KLHL7: variants seen among roughly 807,000 people sequenced by gnomAD.
KLHL7 encodes the protein kelch-like protein 7.
A neutral mutation model predicts 67.4 loss-of-function variants in KLHL7; 44 were observed. The observed-to-expected ratio is 0.65, with a 90% CI of 0.51 to 0.84. KLHL7 has a LOEUF of 0.84. Ranked by LOEUF, KLHL7 falls within the 40% of genes least tolerant of loss-of-function variation. The pLI is 0.00. For missense variants in KLHL7, 362 were observed against 718.1 expected, an observed-to-expected ratio of 0.50 and a Z score of 5.67; for synonymous variants, 252 against 243.3, an observed-to-expected ratio of 1.04 and a Z score of -0.33.
chr7:23,165,623 G>T (rs1784980599), intron 7 of KLHL7, 75 bp from the exon 8 acceptor site: 8 of 1,498,196 alleles, frequency 5.3e-6, no homozygotes, highest in Middle Eastern at 1.7e-4. Flanking sequence ...TATGTTTTTT[G>T]ACTGTATCTT....
chr7:23,171,592 A>G (rs1330123472), intron 9 of KLHL7, among the ~76,000 whole-genome samples: 1 of 152,244 alleles, frequency 6.6e-6, no homozygotes, highest in African/African-American at 2.4e-5. Context: ...TTTGAAAATG[A>G]GAGTGGTGAC....
intron 1 of KLHL7, chr7:23,106,601 C>A: frequency 3.8e-6 from 4 of 1,039,520 alleles, no homozygotes; most frequent in South Asian, 3.3e-5. Flanking sequence ...GGATCCCCGC[C>A]CCCTCCTGTG....
intron 6 of KLHL7, among the ~76,000 whole-genome samples, chr7:23,148,406 A>C (rs921749418): frequency 6.9e-5 from 8 of 115,418 alleles, no homozygotes; most frequent in East Asian, 2.2e-4. Context: ...AAAAAAAAAA[A>C]AAAACAGCAG....
chr7:23,115,990 T>A (rs1367391767), intron 1 of KLHL7, among the ~76,000 whole-genome samples: 3 of 152,224 alleles, frequency 2.0e-5, no homozygotes, highest in African/African-American at 7.2e-5. Flanking sequence ...GAACCCTATG[T>A]TCCTGGCAAC....
At chr7:23,129,070 A>G (rs1369011812) in intron 4 of KLHL7, 1 of 152,400 alleles carries the variant, frequency 6.6e-6, no homozygotes, top group Non-Finnish European at 1.5e-5. Flanking sequence ...ACAAAAAAAA[A>G]TAAAAGTGCT....
chr7:23,135,540 C>T (rs575379690), intron 4 of KLHL7, among the ~76,000 whole-genome samples: 1 of 152,118 alleles, frequency 6.6e-6, no homozygotes, highest in Non-Finnish European at 1.5e-5. Context: ...AAGTCTCCAG[C>T]CATATAATGC....
chr7:23,170,185 G>A (rs1785116629), intron 9 of KLHL7, among the ~76,000 whole-genome samples: 1 of 152,214 alleles, frequency 6.6e-6, no homozygotes, highest in Non-Finnish European at 1.5e-5. Flanking sequence ...TTGCACTGCA[G>A]CCAGGGCAAC....
At chr7:23,111,272 T>C (rs1244828292) in intron 1 of KLHL7, among the ~76,000 whole-genome samples, 2 of 152,110 alleles carry the variant, frequency 1.3e-5, no homozygotes, top group African/African-American at 2.4e-5. Flanking sequence ...GAACAACATA[T>C]TCAGAGGCTC....
At chr7:23,154,272 T>C (rs920406188) in intron 7 of KLHL7, among the ~76,000 whole-genome samples, 27 of 152,124 alleles carry the variant, frequency 1.8e-4, no homozygotes, top group Non-Finnish European at 3.7e-4. Context: ...GGAGAATCAC[T>C]TGAACCCAGG....
chr7:23,133,995 C>T (rs1031736437), intron 4 of KLHL7, among the ~76,000 whole-genome samples: 5 of 152,134 alleles, frequency 3.3e-5, no homozygotes, highest in Non-Finnish European at 7.4e-5. Flanking sequence ...TATTGAGTAA[C>T]AGTGGTGAAA....
chr7:23,150,360 G>A (rs542057821), intron 6 of KLHL7, among the ~76,000 whole-genome samples: 2 of 152,096 alleles, frequency 1.3e-5, no homozygotes, highest in African/African-American at 4.8e-5. Context: ...TGTGCATACA[G>A]TCATTTACTT....
At chr7:23,167,249 G>A (rs1055275301) in intron 8 of KLHL7, among the ~76,000 whole-genome samples, 3 of 151,982 alleles carry the variant, frequency 2.0e-5, no homozygotes, top group Non-Finnish European at 4.4e-5. Flanking sequence ...CCTTTAAATT[G>A]TGTAATCAAA....
At chr7:23,146,020 C>T (rs1275375231) in intron 6 of KLHL7, among the ~76,000 whole-genome samples, 1 of 152,226 alleles carries the variant, frequency 6.6e-6, no homozygotes, top group Admixed American at 6.5e-5. Context: ...GCATGAACCA[C>T]AGTGCCTGGC....
chr7:23,160,455 A>G (rs1197353438), intron 7 of KLHL7, among the ~76,000 whole-genome samples: 1 of 152,220 alleles, frequency 6.6e-6, no homozygotes. Context: ...GACAGGAAGA[A>G]CATTTTGTGA....
chr7:23,116,199 C>G (rs898320768), intron 1 of KLHL7, among the ~76,000 whole-genome samples: 2 of 152,216 alleles, frequency 1.3e-5, no homozygotes, highest in Admixed American at 1.3e-4. Flanking sequence ...TTCCTTGTAT[C>G]TATGAATCCT....
intron 1 of KLHL7, chr7:23,106,763 A>G: frequency 1.0e-6 from 1 of 985,498 alleles, no homozygotes; most frequent in Non-Finnish European, 1.2e-6. Flanking sequence ...TGTGTGGTGC[A>G]TTCGTGAAAT....
intron 1 of KLHL7, chr7:23,106,717 T>C (rs1295611703): frequency 2.0e-6 from 2 of 995,420 alleles, no homozygotes; most frequent in Non-Finnish European, 1.2e-6. Context: ...ACTGTGCGCC[T>C]CTGTTATTAA....
At chr7:23,111,897 G>A (rs1284838371) in intron 1 of KLHL7, among the ~76,000 whole-genome samples, 1 of 151,586 alleles carries the variant, frequency 6.6e-6, no homozygotes, top group East Asian at 1.9e-4. Flanking sequence ...AGTGCTTGCT[G>A]GCAGACCAAA....
In KLHL7 at chr7:23,153,987, T is replaced by C. The variant is rs148061639; in HGVS notation, c.936+1778T>C. Among the ~76,000 whole-genome samples the C allele has an allele frequency of 7.2e-5, 11 of 152,342 alleles. No individual in the cohort carries two copies. The East Asian group carries it at 2.1e-3, about 29-fold the overall frequency. On this transcript the variant is annotated intron_variant, in intron 7 of 10. Coordinates refer to ENST00000339077, the MANE Select transcript of KLHL7 (RefSeq NM_001031710.3). ...TATTTTCAGCTTTGCATGCCATTCA[T>C]TCTCTGACCCAGTTGCAGGAAAGCA...
Sources: allele counts gnomAD v4.1 joint callset (sites outside exome capture counted in the v4.1 genomes callset), GRCh38; gene constraint gnomAD v4.1.1; transcripts MANE v1.5; gene names NCBI Gene and HGNC (gene_info 2026-07-23, HGNC 2026-07-21).